The following PRLR variants were observed in gnomAD, a reference collection of about 807,000 sequenced individuals.
The protein encoded by PRLR is hPRL receptor.
A neutral mutation model predicts 40.2 loss-of-function variants in PRLR; 13 were observed. That is an observed-to-expected ratio of 0.32 (90% CI 0.21 to 0.51). The LOEUF is 0.51. PRLR is among the 20% of genes least tolerant of loss of function. The probability of loss-of-function intolerance (pLI) is 0.97; values close to 1 mark genes in which losing one functional copy is unlikely to be tolerated. For synonymous variants in PRLR, 269 were observed against 278.7 expected (o/e 0.97, Z 0.35); for missense variants, 656 against 747.3 (o/e 0.88, Z 1.42).
intron 1 of PRLR, among the ~76,000 whole-genome samples, chr5:35,198,400 A>AGTGCCTTCTGT (rs1775794695): frequency 6.6e-6 from 1 of 152,246 alleles, no homozygotes; most frequent in Non-Finnish European, 1.5e-5. Flanking sequence ...TGCAAAGCTG[A>AGTGCCTTCTGT]GTGCCTTCTG....
intron 1 of PRLR, among the ~76,000 whole-genome samples, chr5:35,181,151 T>C (rs1470184596): frequency 6.6e-6 from 1 of 152,236 alleles, no homozygotes. Context: ...CTGGTATGTA[T>C]AGTTAAATAT....
intron 1 of PRLR, among the ~76,000 whole-genome samples, chr5:35,187,285 C>T (rs7710537): frequency 0.086 from 13,049 of 151,824 alleles, 1,152 homozygotes; most frequent in African/African-American, 0.22. Flanking sequence ...CCTGTATTCC[C>T]AGCTACTAGG....
chr5:35,086,463 C>T, intron 3 of PRLR, 123 bp from the exon 4 acceptor site: 1 of 1,226,864 alleles, frequency 8.2e-7, no homozygotes, highest in Non-Finnish European at 1.1e-6. Context: ...CTGAGGAGAC[C>T]TAGGGTGGAT....
At chr5:35,191,836 G>A (rs548498623) in intron 1 of PRLR, among the ~76,000 whole-genome samples, 3 of 152,304 alleles carry the variant, frequency 2.0e-5, no homozygotes, top group South Asian at 4.2e-4. Flanking sequence ...GCACCCTTAC[G>A]ATTTCAGCTA....
chr5:35,223,154 T>A (rs1258078577), intron 1 of PRLR, among the ~76,000 whole-genome samples: 1 of 152,260 alleles, frequency 6.6e-6, no homozygotes, highest in East Asian at 1.9e-4. Flanking sequence ...TGCATGTATA[T>A]ACAGTTTCTA....
downstream of PRLR, among the ~76,000 whole-genome samples, chr5:35,051,117 T>C (rs369538582): frequency 1.3e-4 from 20 of 152,354 alleles, no homozygotes; most frequent in East Asian, 3.7e-3. Flanking sequence ...ATCGGAATTA[T>C]TGGACTTACC....
At chr5:35,199,617 C>T (rs114050306) in intron 1 of PRLR, among the ~76,000 whole-genome samples, 100 of 152,118 alleles carry the variant, frequency 6.6e-4, no homozygotes, top group African/African-American at 2.4e-3. Context: ...ATATTTCCCC[C>T]TTAAGTTGTA....
intron 1 of PRLR, among the ~76,000 whole-genome samples, chr5:35,171,869 C>G (rs4703504): frequency 6.6e-6 from 1 of 152,200 alleles, no homozygotes; most frequent in East Asian, 1.9e-4. Context: ...TTTTAAAGAA[C>G]CTTTACTTTT....
chr5:35,078,524 T>C (rs972258969), intron 5 of PRLR, among the ~76,000 whole-genome samples: 3 of 151,890 alleles, frequency 2.0e-5, no homozygotes, highest in African/African-American at 7.3e-5. Flanking sequence ...AATCTCTGAA[T>C]AGACCAATAA....
chr5:35,105,597 G>T (rs1772186600), intron 2 of PRLR, among the ~76,000 whole-genome samples: 1 of 152,174 alleles, frequency 6.6e-6, no homozygotes, highest in Admixed American at 6.5e-5. Context: ...AGCTTCAGTA[G>T]CTGATTTGAT....
intron 5 of PRLR, among the ~76,000 whole-genome samples, chr5:35,083,956 TAC>T (rs1395454795): frequency 1.3e-5 from 2 of 152,050 alleles, no homozygotes; most frequent in African/African-American, 2.4e-5. Context: ...TATATATATA[TAC>T]ACACACACTA....
At chr5:35,147,814 A>T (rs989941854) in intron 1 of PRLR, among the ~76,000 whole-genome samples, 9 of 152,064 alleles carry the variant, frequency 5.9e-5, no homozygotes, top group African/African-American at 1.9e-4. Context: ...AAAAACAAAC[A>T]AAAAAACCAA....
At position 35,065,375 on chromosome 5, in the gene PRLR, C is replaced by G. The variant is rs775727345; in HGVS notation, c.1583G>C (p.Arg528Thr). Residue 528 changes from arginine (R) to threonine (T), a missense_variant, in exon 10 of 10, where the codon AGA becomes ACA. Arg to Thr is a moderately conservative substitution (Grantham distance 71, BLOSUM62 -1). Coordinates refer to ENST00000618457, the MANE Select transcript of PRLR (RefSeq NM_000949.7). ...DGALSLLPKQ[R>T]ENSGKPKKPG... ...CTTCTTGGGCTTGCCGCTGTTCTCT[C>G]TCTGTTTTGGTAGCAATGATAATGC... The G allele has an allele frequency of 3.1e-6, 5 of 1,614,158 alleles. No individual in the cohort carries two copies. Among genetic ancestry groups the G allele is most frequent in the Non-Finnish European group, 4.2e-6 (5 of 1,180,030 alleles).
chr5:35,049,451 G>T (rs773929384), intron 8 of PRLR: 16 of 699,912 alleles, frequency 2.3e-5, no homozygotes, highest in Admixed American at 1.4e-4. Flanking sequence ...ATAACTTCTA[G>T]AGGGAAAGTG....
intron 3 of PRLR, 58 bp from the exon 4 acceptor site, chr5:35,086,398 T>C: frequency 6.3e-7 from 1 of 1,590,624 alleles, no homozygotes; most frequent in Non-Finnish European, 8.6e-7. Flanking sequence ...CATTTGACCC[T>C]TCTGCTGGTG....
chr5:35,054,451 G>A (rs1768624707), downstream of PRLR, among the ~76,000 whole-genome samples: 1 of 152,096 alleles, frequency 6.6e-6, no homozygotes. Context: ...AATTATAGCA[G>A]TGGTATACAC....
At chr5:35,144,735 A>G (rs1010137837) in intron 1 of PRLR, among the ~76,000 whole-genome samples, 1 of 152,042 alleles carries the variant, frequency 6.6e-6, no homozygotes, top group Non-Finnish European at 1.5e-5. Context: ...AGTTCCTCCA[A>G]TTACAGGCAT....
intron 1 of PRLR, among the ~76,000 whole-genome samples, chr5:35,133,332 A>G (rs967008308): frequency 6.6e-6 from 1 of 152,158 alleles, no homozygotes; most frequent in South Asian, 2.1e-4. Context: ...ATACCTATAT[A>G]TATCCCATTG....
chr5:35,107,039 G>A (rs1353084235), intron 2 of PRLR, among the ~76,000 whole-genome samples: 2 of 152,190 alleles, frequency 1.3e-5, no homozygotes, highest in Admixed American at 1.3e-4. Context: ...TCAGACCACA[G>A]TGCAATCAAA....
Sources: allele counts gnomAD v4.1 joint callset (sites outside exome capture counted in the v4.1 genomes callset), GRCh38; gene constraint gnomAD v4.1.1; transcripts MANE v1.5; gene names NCBI Gene and HGNC (gene_info 2026-07-23, HGNC 2026-07-21).